The following TGFBRAP1 variants were observed in gnomAD, a reference collection of about 807,000 sequenced individuals.
TGFBRAP1 encodes transforming growth factor-beta receptor-associated protein 1.
In TGFBRAP1, 20 loss-of-function variants were observed where a neutral mutation model predicts 83.2. That is an observed-to-expected ratio of 0.24 (90% CI 0.17 to 0.35). The LOEUF is 0.35. TGFBRAP1 is among the 10% of genes least tolerant of loss of function. TGFBRAP1 has a pLI of 1.00. For synonymous variants in TGFBRAP1, 415 were observed against 459.8 expected (o/e 0.90, Z 1.25); for missense variants, 950 against 1,099.4 (o/e 0.86, Z 1.92).
chr2:105,273,903 A>C (rs964130148), intron 8 of TGFBRAP1, among the ~76,000 whole-genome samples: 4 of 152,232 alleles, frequency 2.6e-5, no homozygotes, highest in Non-Finnish European at 2.9e-5. Context: ...AGCATGAAGC[A>C]CTGTCAAAGG....
chr2:105,308,845 T>A (rs1450738168), intron 1 of TGFBRAP1, among the ~76,000 whole-genome samples: 3 of 152,058 alleles, frequency 2.0e-5, no homozygotes, highest in Admixed American at 6.5e-5. Flanking sequence ...GCTACTTGAA[T>A]ATGCACTTTA....
At chr2:105,268,554 C>A (rs1237952569) in intron 11 of TGFBRAP1, among the ~76,000 whole-genome samples, 2 of 152,182 alleles carry the variant, frequency 1.3e-5, no homozygotes, top group African/African-American at 2.4e-5. Context: ...AATACCAAAT[C>A]ACATCTGGAA....
intron 1 of TGFBRAP1, among the ~76,000 whole-genome samples, chr2:105,313,227 G>A (rs1393838174): frequency 6.6e-6 from 1 of 152,194 alleles, no homozygotes; most frequent in Non-Finnish European, 1.5e-5. Context: ...TGGGGTGGGC[G>A]CCACAGATTT....
At chr2:105,299,455 G>A (rs932780462) in intron 2 of TGFBRAP1, among the ~76,000 whole-genome samples, 3 of 152,072 alleles carry the variant, frequency 2.0e-5, no homozygotes, top group Non-Finnish European at 2.9e-5. Context: ...AGACAGCACA[G>A]CTCTCATGGT....
chr2:105,283,564 C>T (rs188888654), intron 5 of TGFBRAP1, among the ~76,000 whole-genome samples: 22 of 152,296 alleles, frequency 1.4e-4, no homozygotes, highest in Admixed American at 1.3e-3. Context: ...TGCCTGAGTA[C>T]GATATTTCAA....
intron 1 of TGFBRAP1, among the ~76,000 whole-genome samples, chr2:105,310,404 C>T (rs1344126224): frequency 1.3e-5 from 2 of 152,124 alleles, no homozygotes. Context: ...TTCACCTCCG[C>T]CAAAACACAG....
chr2:105,276,593 T>C (rs1014717825), intron 7 of TGFBRAP1, among the ~76,000 whole-genome samples: 1 of 152,228 alleles, frequency 6.6e-6, no homozygotes, highest in African/African-American at 2.4e-5. Flanking sequence ...CTACCACGTA[T>C]GGAGATTTAT....
chr2:105,298,010 G>A (rs150130778), intron 3 of TGFBRAP1, among the ~76,000 whole-genome samples: 136 of 152,204 alleles, frequency 8.9e-4, no homozygotes, highest in African/African-American at 3.0e-3. Flanking sequence ...TCCTGCCTCC[G>A]CCACCCTGAC....
chr2:105,329,376 C>G (rs1679304844), intron 1 of TGFBRAP1, among the ~76,000 whole-genome samples: 1 of 152,050 alleles, frequency 6.6e-6, no homozygotes, highest in African/African-American at 2.4e-5. Context: ...CTCACCCCAG[C>G]AGGCTAGCCG....
intron 2 of TGFBRAP1, among the ~76,000 whole-genome samples, chr2:105,304,940 G>A (rs779877462): frequency 8.5e-5 from 13 of 152,212 alleles, no homozygotes; most frequent in Non-Finnish European, 1.8e-4. Flanking sequence ...TTAGGGGAAG[G>A]GAGGGATGAA....
Position 105,307,799 on chromosome 2 carries a change from T to C in TGFBRAP1, c.503A>G (p.Glu168Gly), listed in dbSNP as rs765249218. 1 of 1,614,136 alleles carries C rather than the reference T, an allele frequency of 6.2e-7. No homozygotes were observed. The highest frequency in any genetic ancestry group is 1.7e-5 in the Admixed American group (1 of 60,022). ...GTCCACAGCCACAGCGAGGGGCTGC[T>C]CGGCAGTCGACACCTCCTTGACGAT... ...VQIVKEVSTA[E>G]QPLAVAVDGH... The change falls in exon 2 of 12, where the codon GAG (glutamate) becomes GGG (glycine). Residue 168 changes from glutamate (E) to glycine (G), a missense_variant. By Grantham distance (98) the Glu-to-Gly change is moderately conservative. Coordinates refer to ENST00000393359, the MANE Select transcript of TGFBRAP1 (RefSeq NM_004257.6).
chr2:105,263,961 C>T (rs559163871), downstream of TGFBRAP1, among the ~76,000 whole-genome samples: 22 of 152,286 alleles, frequency 1.4e-4, no homozygotes, highest in South Asian at 4.6e-3. Context: ...GTGGGAATAG[C>T]ACCTGGAATT....
chr2:105,314,596 T>C (rs1376350084), intron 1 of TGFBRAP1, among the ~76,000 whole-genome samples: 1 of 151,934 alleles, frequency 6.6e-6, no homozygotes, highest in Non-Finnish European at 1.5e-5. Flanking sequence ...ATACACGATC[T>C]CAGTTCAACA....
chr2:105,269,348 C>T lies in TGFBRAP1; in HGVS notation c.2330G>A (p.Ser777Asn). The change falls in exon 11 of 12, where the codon AGC becomes AAC. Residue 777 changes from serine (S) to asparagine (N), a missense_variant. Coordinates refer to ENST00000393359, the MANE Select transcript of TGFBRAP1 (RefSeq NM_004257.6). The surrounding 1 kb of genome is among the most constrained non-coding windows in gnomAD (Gnocchi z 4.1). The part of the protein sequence containing the change: ...CPFLMGAMRD[S>N]IHARRTMQVA... ...CTGCATGGTCCTCCTGGCATGGATG[C>T]TGTCCCTCATGGCCCCCATCAGGAA... The T allele has an allele frequency of 6.2e-7, 1 of 1,614,054 alleles. No homozygotes were observed. The highest frequency in any genetic ancestry group is 1.1e-5 in the South Asian group (1 of 91,076).
chr2:105,296,520 A>ACT lies in TGFBRAP1; in HGVS notation c.884-11_884-10insAG. On this transcript the variant is annotated splice_polypyrimidine_tract_variant and intron_variant, in intron 3 of 11. Coordinates refer to ENST00000393359, the MANE Select transcript of TGFBRAP1 (RefSeq NM_004257.6). ...GCAACGATCACTCTTCCTGTGAAGA[A>ACT]ATTCAGCATTGTTGGAAAGAGAAAA... 1 of 1,602,054 alleles carries ACT rather than the reference A, an allele frequency of 6.2e-7. No individual in the cohort carries two copies. The highest frequency in any genetic ancestry group is 8.5e-7 in the Non-Finnish European group (1 of 1,175,568).
At chr2:105,278,195 A>G (rs1161506738) in intron 6 of TGFBRAP1, among the ~76,000 whole-genome samples, 1 of 152,050 alleles carries the variant, frequency 6.6e-6, no homozygotes, top group Non-Finnish European at 1.5e-5. Flanking sequence ...ATGCTCTATC[A>G]ACTTCCAAAA....
rs199861425 is a variant in TGFBRAP1 at position 105,269,670 on chromosome 2, C to T, written c.2008G>A (p.Ala670Thr). ...LQGAGLPMESAILHGKLGEHE... is the reference protein window; with the variant it reads ...LQGAGLPMESTILHGKLGEHE... ...TCGCCCAGCTTCCCGTGCAGGATGG[C>T]GCTCTCCATGGGCAGGCCAGCTCCC... Residue 670 changes from alanine to threonine, a missense_variant, in exon 11 of 12, where the codon GCC becomes ACC. Physicochemically the swap from Ala to Thr is moderately conservative, Grantham distance 58 (BLOSUM62 0). Transcript: ENST00000393359. This position sits in a 1 kb window ranked among gnomAD's most constrained non-coding sequence, Gnocchi z 4.1. 1.7e-5 allele frequency: 26 copies of T among 1,572,414 alleles called. No homozygotes were observed. Among genetic ancestry groups the T allele is most frequent in the East Asian group, 6.8e-5 (3 of 44,248 alleles).
chr2:105,315,378 T>G (rs1212929176), intron 1 of TGFBRAP1, among the ~76,000 whole-genome samples: 2 of 152,168 alleles, frequency 1.3e-5, no homozygotes, highest in Non-Finnish European at 2.9e-5. Context: ...CTAACTGATT[T>G]CAGAAATTGC....
At chr2:105,286,319 C>G (rs1022701582) in intron 4 of TGFBRAP1, among the ~76,000 whole-genome samples, 7 of 152,160 alleles carry the variant, frequency 4.6e-5, no homozygotes, top group Non-Finnish European at 1.0e-4. Context: ...CCTAAAAATG[C>G]CTGATCAGAA....
Sources: gnomAD v4.1 joint callset for allele counts (sites outside exome capture counted in the v4.1 genomes callset) on GRCh38, gnomAD v4.1.1 for gene constraint, Gnocchi (gnomAD v3.1) non-coding constraint, MANE v1.5 for transcripts, NCBI Gene and HGNC (gene_info 2026-07-23, HGNC 2026-07-21) for gene names.